The following NRG1 variants were observed in gnomAD, a reference collection of about 807,000 sequenced individuals.
The protein encoded by NRG1 is pro-neuregulin-1, membrane-bound isoform.
NRG1 carries 18 observed loss-of-function variants against 63.8 expected under a neutral mutation model. The ratio of observed to expected loss-of-function variants is 0.28; its 90% CI spans 0.19 to 0.42. The LOEUF (loss-of-function observed/expected upper bound fraction) is 0.42. Among genes scored for constraint, NRG1 ranks in the 10% least tolerant of loss-of-function variants. The pLI is 1.00. For synonymous variants in NRG1, 302 were observed against 301.3 expected (o/e 1.00, Z -0.02); for missense variants, 762 against 814.7 (o/e 0.94, Z 0.79).
At chr8:31,750,560 A>G (rs868119906) in intron 1 of NRG1, among the ~76,000 whole-genome samples, 3 of 152,106 alleles carry the variant, frequency 2.0e-5, no homozygotes, top group Middle Eastern at 3.4e-3. Context: ...GGACGTAATC[A>G]GTAGAGAGAA....
At chr8:31,702,575 C>T (rs890981146) in intron 1 of NRG1, among the ~76,000 whole-genome samples, 2 of 151,950 alleles carry the variant, frequency 1.3e-5, no homozygotes, top group African/African-American at 2.4e-5. Flanking sequence ...CATTGCTAGC[C>T]AGTATCTATG....
chr8:31,778,122 G>A (rs1265627892), intron 1 of NRG1, among the ~76,000 whole-genome samples: 14 of 152,142 alleles, frequency 9.2e-5, no homozygotes, highest in Admixed American at 9.2e-4. Flanking sequence ...TCTAAAACTT[G>A]AGTAATTTTA....
chr8:31,748,368 T>A (rs1816106603), intron 1 of NRG1, among the ~76,000 whole-genome samples: 1 of 151,950 alleles, frequency 6.6e-6, no homozygotes, highest in South Asian at 2.1e-4. Context: ...ATGAGAAGAT[T>A]GAGGGCAAAG....
At position 32,189,066 on chromosome 8, in the gene NRG1, T is replaced by C. The variant is rs1190128930; in HGVS notation, c.38-406762T>C. On this transcript the variant is annotated intron_variant, in intron 1 of 10. Transcript: ENST00000519301. ...ATCTTGATATTAGCCTGGGGAGACC[T>C]GTGTCAAACTTCTATCCTGTAGAAC... 2.0e-5 allele frequency among the ~76,000 whole-genome samples: 3 copies of C among 152,164 alleles called. No individual in the cohort carries two copies. In the East Asian group the frequency reaches 5.8e-4, roughly 29 times the overall value.
At chr8:32,304,045 G>A (rs1483046157) in intron 1 of NRG1, among the ~76,000 whole-genome samples, 2 of 152,182 alleles carry the variant, frequency 1.3e-5, no homozygotes, top group African/African-American at 4.8e-5. Context: ...CAGAATATCA[G>A]GATTCACTTT....
chr8:32,096,730 T>C (rs1829949549), intron 1 of NRG1, among the ~76,000 whole-genome samples: 1 of 152,198 alleles, frequency 6.6e-6, no homozygotes, highest in Admixed American at 6.5e-5. Context: ...TCTTAGTTTC[T>C]GCAAGAGGAA....
intron 1 of NRG1, among the ~76,000 whole-genome samples, chr8:32,421,880 T>C (rs1816742555): frequency 6.6e-6 from 1 of 151,918 alleles, no homozygotes; most frequent in South Asian, 2.1e-4. Context: ...ACATAAAAAG[T>C]AGGAACAGAA....
intron 5 of NRG1, among the ~76,000 whole-genome samples, chr8:32,683,134 G>C (rs1368786768): frequency 6.6e-6 from 1 of 152,172 alleles, no homozygotes; most frequent in Non-Finnish European, 1.5e-5. Flanking sequence ...GAAACACATT[G>C]TTGTTAAGTG....
intron 1 of NRG1, among the ~76,000 whole-genome samples, chr8:31,701,528 A>T (rs894072257): frequency 6.6e-6 from 1 of 152,098 alleles, no homozygotes; most frequent in Admixed American, 6.5e-5. Context: ...TAACATACAG[A>T]CCTGAAGTTC....
At chr8:32,275,889 CTA>C (rs941662086) in intron 1 of NRG1, among the ~76,000 whole-genome samples, 3 of 152,090 alleles carry the variant, frequency 2.0e-5, no homozygotes, top group African/African-American at 7.2e-5. Context: ...ACAAATTCTG[CTA>C]TTTCTTTCCT....
chr8:31,986,454 C>A (rs1010070272), intron 1 of NRG1, among the ~76,000 whole-genome samples: 1 of 152,066 alleles, frequency 6.6e-6, no homozygotes, highest in Admixed American at 6.6e-5. Context: ...TTGCTCTAGA[C>A]ACTTCATACA....
At position 32,303,414 on chromosome 8, in the gene NRG1, G is replaced by T. The variant is rs149042877; in HGVS notation, c.38-292414G>T. Among the ~76,000 whole-genome samples, 1,106 of 152,094 alleles carry T rather than the reference G, an allele frequency of 7.3e-3. 5 individuals are homozygous for T. Among genetic ancestry groups the T allele is most frequent in the Non-Finnish European group, 0.011 (750 of 68,000 alleles). On this transcript the variant is annotated intron_variant, in intron 1 of 10. Coordinates refer to the NRG1 transcript ENST00000519301. ...TGACTTAACACACACAACTGCAGAA[G>T]GTGGAGCTACAGAACATGCTTGGAA...
At chr8:31,934,415 G>GCC (rs546052088) in intron 1 of NRG1, among the ~76,000 whole-genome samples, 8 of 107,620 alleles carry the variant, frequency 7.4e-5, no homozygotes, top group Admixed American at 7.3e-4. Context: ...CCCTTTATTC[G>GCC]CTCTCTTTTT....
At chr8:31,957,557 C>T (rs1271676762) in intron 1 of NRG1, among the ~76,000 whole-genome samples, 2 of 149,174 alleles carry the variant, frequency 1.3e-5, no homozygotes, top group Non-Finnish European at 2.9e-5. Context: ...ACCCACATTT[C>T]CAAAAAGTAA....
chr8:31,805,095 A>G (rs1020341946), intron 1 of NRG1, among the ~76,000 whole-genome samples: 47 of 152,230 alleles, frequency 3.1e-4, no homozygotes, highest in Admixed American at 2.1e-3. Flanking sequence ...TGAGTTTTTT[A>G]TGTAAAATTA....
At chr8:32,073,544 A>G (rs565727598) in intron 1 of NRG1, among the ~76,000 whole-genome samples, 1 of 152,272 alleles carries the variant, frequency 6.6e-6, no homozygotes. Context: ...TCTCTTTTCT[A>G]AAGTTGAATT....
At chr8:32,365,581 A>G (rs1807857448) in intron 1 of NRG1, among the ~76,000 whole-genome samples, 1 of 152,154 alleles carries the variant, frequency 6.6e-6, no homozygotes, top group Non-Finnish European at 1.5e-5. Context: ...AATTTATTCC[A>G]CTAAATCATA....
At chr8:32,079,489 C>T (rs1827123464) in intron 1 of NRG1, among the ~76,000 whole-genome samples, 2 of 152,240 alleles carry the variant, frequency 1.3e-5, no homozygotes, top group South Asian at 2.1e-4. Context: ...TACCTAGAAT[C>T]GAGGTGGCAG....
intron 1 of NRG1, among the ~76,000 whole-genome samples, chr8:31,790,442 GC>G (rs1820592275): frequency 6.6e-6 from 1 of 152,152 alleles, no homozygotes; most frequent in Non-Finnish European, 1.5e-5. Context: ...TAATCTTGGT[GC>G]TGATCATCAT....
Sources: gnomAD v4.1 joint callset for allele counts (sites outside exome capture counted in the v4.1 genomes callset) on GRCh38, gnomAD v4.1.1 for gene constraint, MANE v1.5 for transcripts, NCBI Gene and HGNC (gene_info 2026-07-23, HGNC 2026-07-21) for gene names.